WDR64: variants seen among roughly 807,000 people sequenced by gnomAD.
WDR64 encodes the protein WD repeat-containing protein 64.
Under a neutral mutation model 139.3 loss-of-function variants are expected in WDR64, and 112 were observed. That is an observed-to-expected ratio of 0.80 (90% CI 0.69 to 0.94). WDR64 has a LOEUF of 0.94. Ranked by LOEUF, WDR64 falls within the 40% of genes least tolerant of loss-of-function variation. The pLI, the probability that WDR64 is intolerant of heterozygous loss-of-function variation, is 0.00. For missense variants in WDR64, 1,206 were observed against 1,293.1 expected (o/e 0.93, Z 1.03); for synonymous variants, 444 against 437.7 (o/e 1.01, Z -0.18).
intron 4 of WDR64, chr1:241,676,396 A>G (rs1023303087): frequency 6.6e-6 from 1 of 152,340 alleles, no homozygotes; most frequent in Non-Finnish European, 1.5e-5. Flanking sequence ...TAAACAAATA[A>G]TGTGAAAACA....
chr1:241,778,708 A>G (rs1658747152), intron 21 of WDR64, among the ~76,000 whole-genome samples: 1 of 152,068 alleles, frequency 6.6e-6, no homozygotes, highest in African/African-American at 2.4e-5. Context: ...GTTGCCCTAG[A>G]GTTAATAATA....
intron 3 of WDR64, among the ~76,000 whole-genome samples, chr1:241,673,867 T>C (rs74150348): frequency 0.062 from 9,497 of 152,260 alleles, 419 homozygotes; most frequent in South Asian, 0.11. Flanking sequence ...TTAATGACAG[T>C]CCTAGTTTCA....
intron 6 of WDR64, 42 bp from the exon 7 acceptor site, chr1:241,683,445 G>T: frequency 6.5e-7 from 1 of 1,536,570 alleles, no homozygotes; most frequent in South Asian, 1.2e-5. Flanking sequence ...TTATTGAACA[G>T]AGCAAAGTAA....
intron 3 of WDR64, among the ~76,000 whole-genome samples, chr1:241,673,844 AT>A (rs1409565047): frequency 4.6e-5 from 7 of 152,078 alleles, no homozygotes; most frequent in East Asian, 1.9e-4. Context: ...CAAAATGCAC[AT>A]TTTTTTAAGT....
chr1:241,784,953 G>GAAAAA (rs58720618), intron 23 of WDR64, among the ~76,000 whole-genome samples: 13 of 62,236 alleles, frequency 2.1e-4, no homozygotes, highest in African/African-American at 4.9e-4. Context: ...GACTCTGTCT[G>GAAAAA]AAAAAAAAAA....
At chr1:241,771,765 A>G in intron 19 of WDR64, 68 bp downstream of exon 19, 1 of 1,048,972 alleles carries the variant, frequency 9.5e-7, no homozygotes, top group Non-Finnish European at 1.3e-6. Context: ...TTTAGGTGAC[A>G]GAGTATTCTT....
chr1:241,699,303 A>T (rs1667615401), intron 8 of WDR64, among the ~76,000 whole-genome samples: 2 of 152,200 alleles, frequency 1.3e-5, no homozygotes, highest in Admixed American at 1.3e-4. Flanking sequence ...TTACTCCATT[A>T]TTTGGGCAAA....
At chr1:241,762,793 T>G (rs10737869) in intron 15 of WDR64, among the ~76,000 whole-genome samples, 118,955 of 151,026 alleles carry the variant, frequency 0.79, 47,284 homozygotes, top group African/African-American at 0.86. Flanking sequence ...AAAAATAGAA[T>G]AATAATATAG....
At chr1:241,655,412 T>C (rs1436748436) in intron 1 of WDR64, among the ~76,000 whole-genome samples, 1 of 152,116 alleles carries the variant, frequency 6.6e-6, no homozygotes, top group Non-Finnish European at 1.5e-5. Flanking sequence ...AAAAATAGTC[T>C]TTTTGCCAAG....
At chr1:241,765,590 C>A (rs1263243966) in intron 15 of WDR64, among the ~76,000 whole-genome samples, 3 of 152,006 alleles carry the variant, frequency 2.0e-5, no homozygotes, top group Non-Finnish European at 4.4e-5. Flanking sequence ...TGGTAATAGA[C>A]CTCTCCTCTT....
chr1:241,699,642 A>G (rs1001240785), intron 8 of WDR64, among the ~76,000 whole-genome samples: 5 of 152,166 alleles, frequency 3.3e-5, no homozygotes, highest in Non-Finnish European at 5.9e-5. Flanking sequence ...AGTTTTGAAG[A>G]ATTGGTAAAA....
intron 11 of WDR64, among the ~76,000 whole-genome samples, chr1:241,739,576 G>C (rs193082552): frequency 6.6e-6 from 1 of 152,222 alleles, no homozygotes; most frequent in African/African-American, 2.4e-5. Flanking sequence ...ACATAATAAT[G>C]ACTATAAGCA....
rs7418198 is a variant in WDR64 at position 241,744,246 on chromosome 1, A to C, written c.1471-147A>C. The C allele has an allele frequency of 0.77, 756,716 of 979,374 alleles. 295,093 individuals are homozygous for C. The highest frequency in any genetic ancestry group is 0.86 in the African/African-American group (52,045 of 60,580). The allele number at this position is 979,374 out of a possible 1,614,324, so 60.7% of individuals were successfully genotyped here. ...TTTATCTTTTAGAACTTTCTTTGAT[A>C]AAACCAACATTCAGGGCAGAGCGCT... On this transcript the variant is annotated intron_variant, in intron 12 of 27. Coordinates refer to ENST00000437684, the MANE Select transcript of WDR64 (RefSeq NM_001367482.1).
intron 12 of WDR64, 108 bp from the exon 13 acceptor site, chr1:241,744,285 G>T: frequency 7.5e-7 from 1 of 1,341,440 alleles, no homozygotes; most frequent in East Asian, 2.3e-5. Flanking sequence ...AAATGTGTTA[G>T]ATGTACAGAG....
At chr1:241,787,788 C>G (rs1272761523) in intron 23 of WDR64, 61 bp from the exon 24 acceptor site, 1 of 1,421,374 alleles carries the variant, frequency 7.0e-7, no homozygotes, top group Non-Finnish European at 9.4e-7. Flanking sequence ...ATCTAATGAA[C>G]AGAATAACTT....
Position 241,775,114 on chromosome 1 carries a change from C to T in WDR64, c.2440C>T (p.Leu814=). 1 of 1,550,104 alleles carries T rather than the reference C, an allele frequency of 6.5e-7. No homozygotes were observed. Among genetic ancestry groups the T allele is most frequent in the African/African-American group, 1.4e-5 (1 of 73,154 alleles). Residue 814 remains leucine (L), a synonymous_variant, in exon 21 of 28, where the codon CTG becomes TTG. Coordinates refer to ENST00000437684, the MANE Select transcript of WDR64 (RefSeq NM_001367482.1). The part of the protein sequence containing the change: ...LRLWTLEGRL[L]KDMLPFTKHS... The stretch of plus-strand genomic sequence containing the variant: ...ATTATACTTTATTTAGGGAAGACTA[C>T]TGAAAGATATGCTACCTTTCACAAA...
At chr1:241,700,563 C>T (rs921499750) in intron 8 of WDR64, among the ~76,000 whole-genome samples, 9 of 152,146 alleles carry the variant, frequency 5.9e-5, no homozygotes, top group African/African-American at 2.2e-4. Context: ...GTTTACATGG[C>T]ACTATTTACT....
chr1:241,719,054 C>G (rs1439239439), intron 9 of WDR64, among the ~76,000 whole-genome samples: 1 of 152,106 alleles, frequency 6.6e-6, no homozygotes, highest in Admixed American at 6.6e-5. Flanking sequence ...GAAATGGAAA[C>G]CATCAGCTAT....
intron 10 of WDR64, among the ~76,000 whole-genome samples, 157 bp downstream of exon 10, chr1:241,723,593 G>A (rs1315029822): frequency 6.6e-6 from 1 of 152,098 alleles, no homozygotes; most frequent in Non-Finnish European, 1.5e-5. Context: ...ATAAGCCAAT[G>A]TTCTCTCTTT....
Sources: gnomAD v4.1 joint callset for allele counts (sites outside exome capture counted in the v4.1 genomes callset) on GRCh38, gnomAD v4.1.1 for gene constraint, MANE v1.5 for transcripts, NCBI Gene and HGNC (gene_info 2026-07-23, HGNC 2026-07-21) for gene names.